The following LIPK variants were observed in gnomAD, a reference collection of about 807,000 sequenced individuals.
LIPK encodes lipase member K.
A neutral mutation model predicts 48.6 loss-of-function variants in LIPK; 32 were observed. The ratio of observed to expected loss-of-function variants is 0.66; its 90% CI spans 0.50 to 0.88. The LOEUF (loss-of-function observed/expected upper bound fraction) is 0.88. LIPK is among the 40% of genes least tolerant of loss of function. LIPK has a pLI of 0.00. For missense variants in LIPK, 507 were observed against 478.5 expected (o/e 1.06, Z -0.56); for synonymous variants, 164 against 157.4 (o/e 1.04, Z -0.32).
intron 9 of LIPK, 29 bp from the exon 10 acceptor site, chr10:88,752,488 C>A: frequency 6.7e-7 from 1 of 1,493,736 alleles, no homozygotes; most frequent in Non-Finnish European, 9.1e-7. Context: ...TCTGTAAAAA[C>A]TTTTCTCTCT....
Position 88,737,737 on chromosome 10 carries a change from T to C in LIPK, c.772T>C (p.Phe258Leu). Reference sequence around the variant, plus strand: ...GCTATTCCGTCGTATTTGCAGCAACTTCCTATTTACTCTGAGTGGATTTGA... The same window carrying C: ...GCTATTCCGTCGTATTTGCAGCAACCTCCTATTTACTCTGAGTGGATTTGA... Reference protein sequence around the residue: ...RKLFRRICSNFLFTLSGFDPQ... With the variant: ...RKLFRRICSNLLFTLSGFDPQ... The change falls in exon 7 of 10, where the codon TTC becomes CTC. Residue 258 changes from phenylalanine to leucine, a missense_variant. Transcript: ENST00000404190. The C allele has an allele frequency of 6.2e-7, 1 of 1,613,928 alleles. No individual in the cohort carries two copies. Among genetic ancestry groups the C allele is most frequent in the Non-Finnish European group, 8.5e-7 (1 of 1,179,792 alleles).
intron 9 of LIPK, among the ~76,000 whole-genome samples, chr10:88,748,716 C>T (rs568362904): frequency 1.3e-5 from 2 of 152,094 alleles, no homozygotes; most frequent in Non-Finnish European, 2.9e-5. Context: ...GAAGCATTCC[C>T]CTTGAGAACT....
chr10:88,719,964 C>A (rs1398265877), intron 1 of LIPK, among the ~76,000 whole-genome samples: 1 of 152,138 alleles, frequency 6.6e-6, no homozygotes, highest in Non-Finnish European at 1.5e-5. Context: ...ATTTGATATA[C>A]AATATGTAAA....
chr10:88,715,426 T>C (rs922400411), intron 1 of LIPK, among the ~76,000 whole-genome samples: 2 of 152,154 alleles, frequency 1.3e-5, no homozygotes, highest in African/African-American at 4.8e-5. Flanking sequence ...GTTCATTGTC[T>C]TGAAGCCTAC....
intron 6 of LIPK, 46 bp downstream of exon 6, chr10:88,732,597 C>G (rs757608868): frequency 3.9e-6 from 6 of 1,547,630 alleles, no homozygotes; most frequent in Non-Finnish European, 2.6e-6. Context: ...AAAAGTAGCT[C>G]TATTTCCATT....
At chr10:88,735,429 A>G (rs1465192120) in intron 6 of LIPK, among the ~76,000 whole-genome samples, 2 of 152,214 alleles carry the variant, frequency 1.3e-5, no homozygotes, top group Non-Finnish European at 2.9e-5. Flanking sequence ...GCCTGTCCCG[A>G]GTCACCCAGC....
At position 88,727,994 on chromosome 10, in the gene LIPK, T is replaced by C. The variant is rs897212140; in HGVS notation, c.223+1082T>C. The stretch of plus-strand genomic sequence containing the variant: ...CAGCTGGACACATGGGACCAGAAGC[T>C]GAAGGTGGAGGTGGAGCTTGACAAC... On this transcript the variant is annotated intron_variant, in intron 3 of 9. Coordinates refer to ENST00000404190, the MANE Select transcript of LIPK (RefSeq NM_001080518.2). The C allele has an allele frequency of 5.6e-5, 20 of 355,948 alleles. No homozygotes were observed. In the Admixed American group the frequency reaches 5.7e-4, roughly 10 times the overall value. 22.0% of individuals were successfully genotyped at this position (355,948 alleles called of 1,614,324 possible). A position where few individuals can be genotyped will look rare whatever the true frequency, so the allele number is the denominator to read the frequency against.
At chr10:88,707,209 A>G (rs1272675870) in intron 1 of LIPK, among the ~76,000 whole-genome samples, 3 of 152,154 alleles carry the variant, frequency 2.0e-5, no homozygotes, top group Non-Finnish European at 2.9e-5. Context: ...TCAAATATAT[A>G]GCACCTTGGC....
chr10:88,711,842 G>C (rs930505465), intron 1 of LIPK, among the ~76,000 whole-genome samples: 1 of 151,374 alleles, frequency 6.6e-6, no homozygotes, highest in African/African-American at 2.4e-5. Flanking sequence ...TCTTTTTTTT[G>C]CTTATGGTTA....
At chr10:88,746,215 T>A (rs1486010582) in intron 9 of LIPK, among the ~76,000 whole-genome samples, 1 of 152,134 alleles carries the variant, frequency 6.6e-6, no homozygotes, top group African/African-American at 2.4e-5. Flanking sequence ...ACTAGACAGA[T>A]CTTTGATGCA....
chr10:88,715,026 TATGTCAA>T (rs1275708578), intron 1 of LIPK, among the ~76,000 whole-genome samples: 4 of 152,130 alleles, frequency 2.6e-5, no homozygotes, highest in Admixed American at 6.5e-5. Context: ...ACTTTGGCTG[TATGTCAA>T]ATTTTGATAT....
At chr10:88,739,080 A>C (rs562802674) in intron 7 of LIPK, among the ~76,000 whole-genome samples, 1 of 152,334 alleles carries the variant, frequency 6.6e-6, no homozygotes, top group East Asian at 1.9e-4. Context: ...TGAAAATATG[A>C]GAGAATCAAG....
At chr10:88,730,903 A>T in intron 3 of LIPK, 80 bp from the exon 4 acceptor site, 2 of 1,291,242 alleles carry the variant, frequency 1.5e-6, no homozygotes, top group Non-Finnish European at 1.1e-6. Flanking sequence ...CTTTTATACT[A>T]CAGAAATTCA....
chr10:88,745,249 C>A (rs452283), intron 9 of LIPK, among the ~76,000 whole-genome samples: 33,442 of 152,008 alleles, frequency 0.22, 3,847 homozygotes, highest in East Asian at 0.37. Context: ...CTCACTAGAG[C>A]GGTCAACATT....
At chr10:88,714,853 T>C (rs1842088317) in intron 1 of LIPK, among the ~76,000 whole-genome samples, 1 of 151,972 alleles carries the variant, frequency 6.6e-6, no homozygotes, top group Non-Finnish European at 1.5e-5. Context: ...CTCTAATATG[T>C]TTATTTATTT....
intron 1 of LIPK, among the ~76,000 whole-genome samples, chr10:88,713,309 G>A (rs900322888): frequency 6.6e-5 from 10 of 152,168 alleles, no homozygotes; most frequent in South Asian, 2.1e-4. Flanking sequence ...TAAAGTCAAC[G>A]CCATATAGTT....
intron 1 of LIPK, among the ~76,000 whole-genome samples, chr10:88,710,522 C>A (rs1262305648): frequency 6.6e-6 from 1 of 152,180 alleles, no homozygotes; most frequent in African/African-American, 2.4e-5. Context: ...TAGAACCAAG[C>A]AAACACTATT....
At chr10:88,743,447 G>A (rs987600761) in intron 9 of LIPK, 126 bp downstream of exon 9, 108 of 629,016 alleles carry the variant, frequency 1.7e-4, no homozygotes, top group Middle Eastern at 1.6e-3. Context: ...GTTCTCACAG[G>A]CTGCTTATTG....
chr10:88,737,838 A>G, intron 7 of LIPK, 57 bp downstream of exon 7: 1 of 1,576,780 alleles, frequency 6.3e-7, no homozygotes, highest in Non-Finnish European at 8.7e-7. Context: ...AGAAGTGATG[A>G]AAGTTATCCT....
Sources: gnomAD v4.1 joint callset for allele counts (sites outside exome capture counted in the v4.1 genomes callset) on GRCh38, gnomAD v4.1.1 for gene constraint, MANE v1.5 for transcripts, NCBI Gene and HGNC (gene_info 2026-07-23, HGNC 2026-07-21) for gene names.